ARHGAP10: variants seen among roughly 807,000 people sequenced by gnomAD.
The protein encoded by ARHGAP10 is rho GTPase-activating protein 10.
ARHGAP10 carries 87 observed loss-of-function variants against 108.6 expected under a neutral mutation model. That is an observed-to-expected ratio of 0.80 (90% CI 0.67 to 0.96). The LOEUF is 0.96. Ranked by LOEUF, ARHGAP10 falls within the 40% of genes least tolerant of loss-of-function variation. The probability of loss-of-function intolerance (pLI) is 0.00; values close to 1 mark genes in which losing one functional copy is unlikely to be tolerated. For synonymous variants in ARHGAP10, 347 were observed against 341.1 expected, an observed-to-expected ratio of 1.02 and a Z score of -0.19; for missense variants, 939 against 954.5, an observed-to-expected ratio of 0.98 and a Z score of 0.21.
At chr4:147,846,685 T>C (rs956603287) in intron 3 of ARHGAP10, among the ~76,000 whole-genome samples, 3 of 152,152 alleles carry the variant, frequency 2.0e-5, no homozygotes, top group African/African-American at 7.2e-5. Flanking sequence ...CCTTAGGAGG[T>C]TTCTGTAATG....
At chr4:147,923,639 G>A (rs977236778) in intron 13 of ARHGAP10, among the ~76,000 whole-genome samples, 1 of 152,168 alleles carries the variant, frequency 6.6e-6, no homozygotes, top group East Asian at 1.9e-4. Context: ...GAAGTAGGAA[G>A]CCACATACAA....
intron 1 of ARHGAP10, among the ~76,000 whole-genome samples, chr4:147,754,391 C>CCTTA (rs1202450482): frequency 6.6e-6 from 1 of 152,112 alleles, no homozygotes; most frequent in Non-Finnish European, 1.5e-5. Flanking sequence ...GCTGTTTTGG[C>CCTTA]CTTAGTTGAG....
intron 1 of ARHGAP10, among the ~76,000 whole-genome samples, chr4:147,815,469 A>AGGCGGGG: frequency 6.6e-6 from 1 of 151,282 alleles, no homozygotes; most frequent in South Asian, 2.1e-4. Context: ...TATTGGCCGG[A>AGGCGGGG]GGCGGGGGGC....
At chr4:147,878,458 G>C (rs1735173132) in intron 8 of ARHGAP10, among the ~76,000 whole-genome samples, 1 of 152,134 alleles carries the variant, frequency 6.6e-6, no homozygotes, top group Non-Finnish European at 1.5e-5. Flanking sequence ...CTAGGATGCT[G>C]TTCATGGACT....
At chr4:147,900,305 A>T (rs2126899155) in intron 10 of ARHGAP10, among the ~76,000 whole-genome samples, 1 of 152,314 alleles carries the variant, frequency 6.6e-6, no homozygotes, top group Middle Eastern at 3.4e-3. Context: ...ATGCTGATTT[A>T]TGAATTTAAG....
intron 19 of ARHGAP10, among the ~76,000 whole-genome samples, chr4:148,038,787 C>T (rs916223614): frequency 2.0e-5 from 3 of 152,128 alleles, no homozygotes; most frequent in Non-Finnish European, 4.4e-5. Context: ...TTGTGCTCAC[C>T]CTCCGCTGGT....
At chr4:147,771,402 A>G (rs1387451546) in intron 1 of ARHGAP10, among the ~76,000 whole-genome samples, 2 of 152,220 alleles carry the variant, frequency 1.3e-5, no homozygotes, top group African/African-American at 4.8e-5. Context: ...TGCAATGTGT[A>G]ATAATTACAT....
rs530167036 is a variant in ARHGAP10, at chr4:147,810,030, A to G, written c.155-12697A>G. On this transcript the variant is annotated intron_variant, in intron 1 of 22. Coordinates refer to ENST00000336498, the MANE Select transcript of ARHGAP10 (RefSeq NM_024605.4). The stretch of plus-strand genomic sequence containing the variant: ...ATTATTTAGTATTTTCTCTATAAGT[A>G]TGTCACATATAGTATCTCTTTATAG... Among the ~76,000 whole-genome samples, 18 of 152,354 alleles carry G rather than the reference A, an allele frequency of 1.2e-4. 1 individual carries two copies. The South Asian group carries it at 3.5e-3, about 30-fold the overall frequency.
At chr4:147,967,917 TG>T (rs1481708877) in intron 18 of ARHGAP10, among the ~76,000 whole-genome samples, 1 of 152,176 alleles carries the variant, frequency 6.6e-6, no homozygotes, top group Non-Finnish European at 1.5e-5. Flanking sequence ...CAAGAAGAAC[TG>T]CTAATCTAGG....
intron 10 of ARHGAP10, among the ~76,000 whole-genome samples, chr4:147,891,630 G>C (rs1735798606): frequency 6.6e-6 from 1 of 152,146 alleles, no homozygotes; most frequent in Non-Finnish European, 1.5e-5. Flanking sequence ...TCTCAATAGA[G>C]CTATTTTAAA....
chr4:148,046,441 A>G (rs892309857), intron 19 of ARHGAP10, among the ~76,000 whole-genome samples: 5 of 152,220 alleles, frequency 3.3e-5, no homozygotes. Flanking sequence ...CAGTAAGACA[A>G]GTCCCTTTTA....
At chr4:147,927,421 C>G (rs1254271708) in intron 13 of ARHGAP10, among the ~76,000 whole-genome samples, 3 of 152,166 alleles carry the variant, frequency 2.0e-5, no homozygotes, top group Admixed American at 2.0e-4. Flanking sequence ...CTCTTCATAG[C>G]AGGCAAGATG....
intron 4 of ARHGAP10, among the ~76,000 whole-genome samples, chr4:147,856,455 T>G (rs1281182624): frequency 1.3e-5 from 2 of 152,210 alleles, no homozygotes; most frequent in Non-Finnish European, 2.9e-5. Flanking sequence ...GAATCTGAAA[T>G]CCGATATGCT....
chr4:147,772,229 A>C (rs1249492052), intron 1 of ARHGAP10, among the ~76,000 whole-genome samples: 1 of 152,188 alleles, frequency 6.6e-6, no homozygotes, highest in Non-Finnish European at 1.5e-5. Flanking sequence ...TGGCAGGATT[A>C]TCTGAGACTT....
At chr4:147,836,688 G>C (rs1733183635) in intron 3 of ARHGAP10, among the ~76,000 whole-genome samples, 1 of 152,198 alleles carries the variant, frequency 6.6e-6, no homozygotes, top group South Asian at 2.1e-4. Context: ...TAGCTAATGA[G>C]TGTGAGCTAT....
At chr4:148,056,133 G>A (rs13104796) in intron 20 of ARHGAP10, among the ~76,000 whole-genome samples, 74,560 of 152,112 alleles carry the variant, frequency 0.49, 21,393 homozygotes, top group East Asian at 0.83. Flanking sequence ...CAAGCTTGAA[G>A]TATTTACTCT....
At chr4:148,059,792 C>T (rs1175287786) in intron 20 of ARHGAP10, among the ~76,000 whole-genome samples, 1 of 152,176 alleles carries the variant, frequency 6.6e-6, no homozygotes, top group African/African-American at 2.4e-5. Context: ...GACTCGCGGT[C>T]AGAGCCAACA....
intron 1 of ARHGAP10, among the ~76,000 whole-genome samples, chr4:147,736,274 G>A (rs779814686): frequency 1.1e-4 from 17 of 152,018 alleles, no homozygotes; most frequent in Non-Finnish European, 1.5e-4. Context: ...CTTGGTTTTG[G>A]TACTTCTAGC....
At chr4:147,877,480 C>G (rs967791088) in intron 8 of ARHGAP10, among the ~76,000 whole-genome samples, 18 of 152,144 alleles carry the variant, frequency 1.2e-4, no homozygotes, top group African/African-American at 4.1e-4. Context: ...TATTTTTCCC[C>G]TCCTGGGCTT....
Sources: allele counts gnomAD v4.1 joint callset (sites outside exome capture counted in the v4.1 genomes callset), GRCh38; gene constraint gnomAD v4.1.1; transcripts MANE v1.5; gene names NCBI Gene and HGNC (gene_info 2026-07-23, HGNC 2026-07-21).